MCMDC2: variants seen among roughly 807,000 people sequenced by gnomAD.
MCMDC2 encodes minichromosome maintenance domain containing 2.
MCMDC2 carries 54 observed loss-of-function variants against 75.8 expected under a neutral mutation model. The ratio of observed to expected loss-of-function variants is 0.71; its 90% CI spans 0.57 to 0.89. The LOEUF is 0.89. MCMDC2 is among the 40% of genes least tolerant of loss of function. The probability of loss-of-function intolerance (pLI) is 0.00; values close to 1 mark genes in which losing one functional copy is unlikely to be tolerated. For missense variants in MCMDC2, 656 were observed against 780.4 expected (o/e 0.84, Z 1.90); for synonymous variants, 249 against 274.6 (o/e 0.91, Z 0.92).
chr8:66,916,768 G>A (rs1813339847), intron 14 of MCMDC2, among the ~76,000 whole-genome samples: 1 of 152,172 alleles, frequency 6.6e-6, no homozygotes, highest in Admixed American at 6.6e-5. Context: ...AGGTAGAGTA[G>A]GGGAGTGGGT....
intron 7 of MCMDC2, among the ~76,000 whole-genome samples, chr8:66,880,117 G>A (rs374900968): frequency 6.6e-6 from 1 of 152,110 alleles, no homozygotes; most frequent in Non-Finnish European, 1.5e-5. Flanking sequence ...AATGCAAGAG[G>A]GTAGACTTTG....
chr8:66,884,445 T>G (rs1241851447), intron 9 of MCMDC2: 1 of 162,134 alleles, frequency 6.2e-6, no homozygotes, highest in Non-Finnish European at 1.3e-5. Context: ...GGAGTAAGCC[T>G]CTATTTAGCA....
At chr8:66,871,637 A>G (rs566087708) in intron 1 of MCMDC2, 1 of 152,286 alleles carries the variant, frequency 6.6e-6, no homozygotes, top group African/African-American at 2.4e-5. Context: ...AAATCTGACT[A>G]TGGGCTAGGC....
downstream of MCMDC2, chr8:66,925,667 G>C (rs1483083048): frequency 6.6e-6 from 1 of 152,284 alleles, no homozygotes; most frequent in East Asian, 1.9e-4. Context: ...GGGGCGGAGG[G>C]GAGATGAGAC....
At chr8:66,898,813 C>A (rs1222014421) in intron 12 of MCMDC2, among the ~76,000 whole-genome samples, 1 of 152,050 alleles carries the variant, frequency 6.6e-6, no homozygotes, top group Non-Finnish European at 1.5e-5. Context: ...AATTTAGATG[C>A]ACAAAGGATG....
intron 9 of MCMDC2, among the ~76,000 whole-genome samples, chr8:66,886,563 A>G (rs1156256535): frequency 6.6e-6 from 1 of 152,070 alleles, no homozygotes; most frequent in Non-Finnish European, 1.5e-5. Context: ...ACCTGAGGTC[A>G]GGAATTTGAG....
chr8:66,890,882 TA>T lies in MCMDC2; in HGVS notation c.1094del (p.Asn365ThrfsTer10). The T allele has an allele frequency of 6.2e-7, 1 of 1,606,330 alleles. No homozygotes were observed. Among genetic ancestry groups the T allele is most frequent in the Non-Finnish European group, 8.5e-7 (1 of 1,178,358 alleles). On this transcript the variant is annotated frameshift_variant, in exon 10 of 15. Transcript: ENST00000422365. LOFTEE classifies it high-confidence loss of function. Reference protein sequence around the residue: ...LLIDRLLNFSINLVPRGIRHL... With the variant: ...LLIDRLLNFSXNLVPRGIRHL... Reference sequence around the variant, plus strand: ...TTCCCTAGGCTTCTGAATTTTAGCATAAACCTTGTCCCCCGTGGTATACGTC... The same window carrying T: ...TTCCCTAGGCTTCTGAATTTTAGCATAACCTTGTCCCCCGTGGTATACGTC...
chr8:66,878,078 C>T (rs773982517), intron 5 of MCMDC2, among the ~76,000 whole-genome samples: 27 of 152,150 alleles, frequency 1.8e-4, no homozygotes, highest in Non-Finnish European at 3.4e-4. Context: ...GAAGTACTTG[C>T]TCTTCTCACA....
chr8:66,877,299 T>G, intron 4 of MCMDC2, 50 bp from the exon 5 acceptor site: 1 of 1,185,208 alleles, frequency 8.4e-7, no homozygotes, highest in Non-Finnish European at 1.2e-6. Context: ...GTAATACAAG[T>G]CAAATTGGAT....
chr8:66,901,676 A>G, intron 13 of MCMDC2: 1 of 1,028,102 alleles, frequency 9.7e-7, no homozygotes. Flanking sequence ...TCACACCTGT[A>G]ATCCCAGCAC....
intron 1 of MCMDC2, among the ~76,000 whole-genome samples, chr8:66,872,695 C>T (rs1221653553): frequency 6.6e-6 from 1 of 151,960 alleles, no homozygotes; most frequent in African/African-American, 2.4e-5. Context: ...CGGTGGCTCA[C>T]GCCTGTAATC....
chr8:66,914,425 AG>A (rs2130869499), intron 14 of MCMDC2, among the ~76,000 whole-genome samples: 1 of 152,354 alleles, frequency 6.6e-6, no homozygotes, highest in East Asian at 1.9e-4. Flanking sequence ...GACCTCTCTA[AG>A]GAAATGATAT....
At chr8:66,887,643 CTATT>C (rs1427682547) in intron 9 of MCMDC2, among the ~76,000 whole-genome samples, 6 of 152,072 alleles carry the variant, frequency 3.9e-5, no homozygotes, top group Non-Finnish European at 8.8e-5. Flanking sequence ...TTTTAGTTTA[CTATT>C]TATTTATTTA....
chr8:66,878,653 T>C lies in MCMDC2; in HGVS notation c.561T>C (p.Cys187=). ...TIRNDFLCNL[C]ASSLQEDRKF... ...GAAATGACTTTTTGTGTAATCTATG[T>C]GCATCTTCACTTCAAGAAGACAGAA... Residue 187 remains cysteine (C), a synonymous_variant, in exon 6 of 15, where the codon TGT becomes TGC. Transcript: ENST00000422365. 6.4e-7 allele frequency: 1 copy of C among 1,572,602 alleles called. No homozygotes were observed. Among genetic ancestry groups the C allele is most frequent in the Non-Finnish European group, 8.6e-7 (1 of 1,166,548 alleles).
downstream of MCMDC2, chr8:66,925,308 CT>C: frequency 6.6e-6 from 1 of 152,498 alleles, no homozygotes; most frequent in Non-Finnish European, 1.5e-5. Flanking sequence ...GGAGCGTAGC[CT>C]TTTGGCCTAC....
intron 8 of MCMDC2, among the ~76,000 whole-genome samples, chr8:66,882,181 A>G (rs1174826669): frequency 2.0e-5 from 3 of 152,250 alleles, no homozygotes; most frequent in Admixed American, 6.5e-5. Flanking sequence ...AGGAATTGAT[A>G]TAAGGACAGG....
In MCMDC2 at chr8:66,874,306, A is replaced by T. The variant is rs1469201155; in HGVS notation, c.95-20A>T. On this transcript the variant is annotated intron_variant, in intron 2 of 14. Coordinates refer to ENST00000422365, the MANE Select transcript of MCMDC2 (RefSeq NM_173518.5). ...CCTACACATAGCTATCCTGACTTTT[A>T]CATTTGTATATTTTCATAGATTCAA... is the stretch of plus-strand genomic sequence containing the variant. 2.5e-6 allele frequency: 4 copies of T among 1,606,474 alleles called. No individual in the cohort carries two copies. The highest frequency in any genetic ancestry group is 3.4e-6 in the Non-Finnish European group (4 of 1,177,862).
downstream of MCMDC2, chr8:66,922,268 T>A: frequency 4.1e-6 from 1 of 245,732 alleles, no homozygotes; most frequent in Non-Finnish European, 8.3e-6. Flanking sequence ...CACCCTTAAG[T>A]TTATCAGATA....
At chr8:66,892,418 C>T (rs1422654836) in intron 10 of MCMDC2, among the ~76,000 whole-genome samples, 2 of 152,200 alleles carry the variant, frequency 1.3e-5, no homozygotes, top group South Asian at 2.1e-4. Flanking sequence ...TCTTGTTCCA[C>T]GTCCAGGAAG....
Sources: gnomAD v4.1 joint callset for allele counts (sites outside exome capture counted in the v4.1 genomes callset) on GRCh38, gnomAD v4.1.1 for gene constraint, MANE v1.5 for transcripts, NCBI Gene and HGNC (gene_info 2026-07-23, HGNC 2026-07-21) for gene names.